Variants in PAK2 observed in about 807,000 individuals in gnomAD.
The protein encoded by PAK2 is p21 (RAC1) activated kinase 2, also known as serine/threonine-protein kinase PAK 2.
A neutral mutation model predicts 65.9 loss-of-function variants in PAK2; 21 were observed. The observed-to-expected ratio is 0.32, with a 90% CI of 0.23 to 0.46. The LOEUF is 0.46. PAK2 is among the 20% of genes least tolerant of loss of function. The pLI is 1.00. For missense variants in PAK2, 324 were observed against 642.6 expected, an observed-to-expected ratio of 0.50 and a Z score of 5.36; for synonymous variants, 204 against 219.7, an observed-to-expected ratio of 0.93 and a Z score of 0.63.
At chr3:196,815,361 GC>G (rs1715978206) in intron 11 of PAK2, among the ~76,000 whole-genome samples, 1 of 150,654 alleles carries the variant, frequency 6.6e-6, no homozygotes, top group Admixed American at 6.6e-5. Flanking sequence ...GCATGGTGGT[GC>G]ACGCCTGTAA....
chr3:196,769,197 C>T (rs1288614879), intron 1 of PAK2, among the ~76,000 whole-genome samples: 1 of 151,242 alleles, frequency 6.6e-6, no homozygotes, highest in Non-Finnish European at 1.5e-5. Flanking sequence ...CGTGATGGTG[C>T]ACGCCTGTGG....
intron 1 of PAK2, among the ~76,000 whole-genome samples, chr3:196,741,434 C>T (rs1390886615): frequency 6.6e-6 from 1 of 152,182 alleles, no homozygotes; most frequent in African/African-American, 2.4e-5. Context: ...ATATGAAGAG[C>T]CTTTTTCATG....
At chr3:196,814,343 G>C (rs1715924251) in intron 10 of PAK2, 108 bp from the exon 11 acceptor site, 2 of 612,446 alleles carry the variant, frequency 3.3e-6, no homozygotes, top group Non-Finnish European at 5.8e-6. Context: ...CAAGCTACCA[G>C]CTCTAGTTTT....
At chr3:196,772,529 C>T (rs1471285114) in intron 1 of PAK2, among the ~76,000 whole-genome samples, 2 of 152,094 alleles carry the variant, frequency 1.3e-5, no homozygotes, top group African/African-American at 4.8e-5. Flanking sequence ...TTACCAGCCT[C>T]CAGATTGTGT....
intron 1 of PAK2, among the ~76,000 whole-genome samples, chr3:196,753,425 G>C (rs761341935): frequency 1.3e-5 from 2 of 150,772 alleles, no homozygotes; most frequent in African/African-American, 2.4e-5. Context: ...CTGGGCTCAC[G>C]TGATCCTATC....
chr3:196,765,408 T>G (rs959112854), intron 1 of PAK2, among the ~76,000 whole-genome samples: 1 of 152,062 alleles, frequency 6.6e-6, no homozygotes, highest in Non-Finnish European at 1.5e-5. Flanking sequence ...CTCCGCCTCC[T>G]GAGTAACTGG....
chr3:196,756,850 GAAAC>G (rs1411863444), intron 1 of PAK2, among the ~76,000 whole-genome samples: 1 of 151,982 alleles, frequency 6.6e-6, no homozygotes, highest in Admixed American at 6.6e-5. Flanking sequence ...AAGAAAGAAA[GAAAC>G]AAAATGCTTA....
intron 11 of PAK2, among the ~76,000 whole-genome samples, chr3:196,817,156 ATTT>A (rs11314877): frequency 9.9e-4 from 84 of 84,774 alleles, no homozygotes; most frequent in African/African-American, 3.6e-3. Context: ...GAAAGAGGCA[ATTT>A]TTTTTTTTTT....
chr3:196,746,394 G>A (rs1713379892), intron 1 of PAK2, among the ~76,000 whole-genome samples: 2 of 152,118 alleles, frequency 1.3e-5, no homozygotes, highest in Admixed American at 1.3e-4. Flanking sequence ...ATATGTAATA[G>A]TAAATTTGCT....
rs967443650 is a variant in PAK2 at position 196,829,072 on chromosome 3, T to G, written c.*667T>G. On this transcript the variant is annotated 3_prime_UTR_variant, in exon 15 of 15. Coordinates refer to ENST00000327134, the MANE Select transcript of PAK2 (RefSeq NM_002577.4). ...TGTGAAAAAGTCAGTTTTAGAAATT[T>G]CGTGGTAGTAAGTTCGGCATTTGTT... is the stretch of plus-strand genomic sequence containing the variant. 7 of 152,712 alleles carry G rather than the reference T, an allele frequency of 4.6e-5. No homozygotes were observed. Among genetic ancestry groups the G allele is most frequent in the African/African-American group, 1.7e-4 (7 of 41,458 alleles). The allele number at this position is 152,712 out of a possible 1,614,324, so 9.5% of individuals were successfully genotyped here. A position where few individuals can be genotyped will look rare whatever the true frequency, so the allele number is the denominator to read the frequency against.
chr3:196,773,097 T>C (rs901007937), intron 1 of PAK2, among the ~76,000 whole-genome samples: 4 of 152,138 alleles, frequency 2.6e-5, no homozygotes, highest in African/African-American at 9.7e-5. Flanking sequence ...AGCAGACAAT[T>C]GAGGAATTGT....
chr3:196,764,197 T>A (rs949185058), intron 1 of PAK2, among the ~76,000 whole-genome samples: 1 of 152,206 alleles, frequency 6.6e-6, no homozygotes, highest in Non-Finnish European at 1.5e-5. Flanking sequence ...TTCCTACTTT[T>A]GGTATTTCAA....
At chr3:196,750,115 T>C (rs947683303) in intron 1 of PAK2, among the ~76,000 whole-genome samples, 1 of 151,576 alleles carries the variant, frequency 6.6e-6, no homozygotes, top group African/African-American at 2.4e-5. Flanking sequence ...GCCTCCCAAA[T>C]AGCTGGGATT....
At chr3:196,751,660 AATTTATTTATATACATATAT>A (rs747697576) in intron 1 of PAK2, among the ~76,000 whole-genome samples, 6,529 of 40,226 alleles carry the variant, frequency 0.16, 1,355 homozygotes, top group Non-Finnish European at 0.19. Context: ...AAAACACACA[AATTTATTTATATACATATAT>A]ATATATATAT....
chr3:196,781,044 T>C (rs926406716), intron 1 of PAK2, among the ~76,000 whole-genome samples: 1 of 152,196 alleles, frequency 6.6e-6, no homozygotes, highest in African/African-American at 2.4e-5. Context: ...CGCCTCGGCC[T>C]CCCAAAGTGC....
At chr3:196,743,122 C>T (rs773680603) in intron 1 of PAK2, among the ~76,000 whole-genome samples, 65 of 152,164 alleles carry the variant, frequency 4.3e-4, no homozygotes, top group Non-Finnish European at 7.6e-4. Flanking sequence ...CCCTCATTGC[C>T]CCCAAAAAAT....
intron 14 of PAK2, 133 bp downstream of exon 14, chr3:196,827,466 G>A (rs1711916488): frequency 7.4e-6 from 11 of 1,485,418 alleles, no homozygotes; most frequent in Non-Finnish European, 1.8e-6. Context: ...TGCAATTTAG[G>A]GTTTCATCCT....
At position 196,806,428 on chromosome 3, in the gene PAK2, T is replaced by C. The variant is rs376672573; in HGVS notation, c.469-151T>C. 215 of 569,488 alleles carry C rather than the reference T, an allele frequency of 3.8e-4. 5 individuals are homozygous for C. The highest frequency in any genetic ancestry group is 1.7e-3 in the East Asian group (57 of 33,974). The allele number at this position is 569,488 out of a possible 1,614,324, so 35.3% of individuals were successfully genotyped here. On this transcript the variant is annotated intron_variant, in intron 5 of 14. Transcript: ENST00000327134. ...ATCGCCTTATTATGTTAGATTATAA[T>C]TCTATTGAGTTATCTAAGAGCTAAT...
At position 196,807,876 on chromosome 3, in the gene PAK2, A is replaced by C. The variant is rs1480203595; in HGVS notation, c.671A>C (p.Lys224Thr). 4 of 1,604,504 alleles carry C rather than the reference A, an allele frequency of 2.5e-6. No homozygotes were observed. Among genetic ancestry groups the C allele is most frequent in the East Asian group, 4.5e-5 (2 of 44,832 alleles). ...AAGTCTTTAGACAAACAGAAAAAGA[A>C]GACTAAGATGACAGATGAAGAGATT... is the stretch of plus-strand genomic sequence containing the variant. The part of the protein sequence containing the change: ...AAKSLDKQKK[K>T]TKMTDEEIME... The change falls in exon 7 of 15, where the codon AAG (lysine) becomes ACG (threonine). Residue 224 changes from lysine (K) to threonine (T), a missense_variant. Lys to Thr is a moderately conservative substitution (Grantham distance 78). Transcript: ENST00000327134.
Sources: gnomAD v4.1 joint callset for allele counts (sites outside exome capture counted in the v4.1 genomes callset) on GRCh38, gnomAD v4.1.1 for gene constraint, MANE v1.5 for transcripts, NCBI Gene and HGNC (gene_info 2026-07-23, HGNC 2026-07-21) for gene names.